The following P4HA3 variants were observed in gnomAD, a reference collection of about 807,000 sequenced individuals.
P4HA3 encodes prolyl 4-hydroxylase subunit alpha 3, also known as prolyl 4-hydroxylase subunit alpha-3.
Under a neutral mutation model 66.7 loss-of-function variants are expected in P4HA3, and 60 were observed. That is an observed-to-expected ratio of 0.90 (90% CI 0.73 to 1.12). P4HA3 has a LOEUF of 1.12. P4HA3 is among the 50% of genes most tolerant of loss of function. The probability of loss-of-function intolerance (pLI) is 0.00; values close to 1 mark genes in which losing one functional copy is unlikely to be tolerated. For missense variants in P4HA3, 683 were observed against 685.8 expected (o/e 1.00, Z 0.05); for synonymous variants, 263 against 274.6 (o/e 0.96, Z 0.42).
At chr11:74,275,267 C>A (rs898404473) in intron 9 of P4HA3, among the ~76,000 whole-genome samples, 21 of 152,080 alleles carry the variant, frequency 1.4e-4, no homozygotes, top group Non-Finnish European at 2.4e-4. Context: ...CCTGTGGTCA[C>A]AAAAATTTTC....
chr11:74,308,571 C>T (rs1226921149), intron 1 of P4HA3, among the ~76,000 whole-genome samples: 2 of 152,096 alleles, frequency 1.3e-5, no homozygotes, highest in African/African-American at 4.8e-5. Flanking sequence ...GGTTTTAGAG[C>T]AGTCACTAGA....
At chr11:74,263,426 C>T (rs992515867), downstream of P4HA3, among the ~76,000 whole-genome samples, 12 of 152,080 alleles carry the variant, frequency 7.9e-5, no homozygotes, top group Non-Finnish European at 1.5e-4. Context: ...AAGATTATTG[C>T]CAATGGAAGC....
intron 12 of P4HA3, 105 bp from the exon 13 acceptor site, chr11:74,267,423 A>C: frequency 7.2e-7 from 1 of 1,384,674 alleles, no homozygotes; most frequent in Non-Finnish European, 9.8e-7. Context: ...GCCCCCTTAA[A>C]TTCTGCATCC....
chr11:74,258,370 G>C (rs547669), intron 15 of P4HA3, among the ~76,000 whole-genome samples: 152,224 of 152,292 alleles, frequency 1, 76,079 homozygotes, highest in East Asian at 1. Flanking sequence ...TGATTAATGA[G>C]AATGATGCCA....
intron 4 of P4HA3, among the ~76,000 whole-genome samples, chr11:74,296,674 A>C (rs1268012926): frequency 6.6e-6 from 1 of 152,200 alleles, no homozygotes; most frequent in Non-Finnish European, 1.5e-5. Flanking sequence ...AGAGAAATCC[A>C]AGCCATCAGA....
chr11:74,253,705 A>G, intron 15 of P4HA3: 1 of 647,330 alleles, frequency 1.5e-6, no homozygotes. Flanking sequence ...CCCTTGACCA[A>G]CATCGGCTTC....
chr11:74,300,486 G>A (rs1861371764), intron 3 of P4HA3, among the ~76,000 whole-genome samples: 1 of 152,110 alleles, frequency 6.6e-6, no homozygotes, highest in South Asian at 2.1e-4. Flanking sequence ...GGATATGGTG[G>A]GGCACACCTG....
chr11:74,250,950 C>G (rs371935961), intron 15 of P4HA3: 39 of 1,595,806 alleles, frequency 2.4e-5, no homozygotes, highest in Non-Finnish European at 3.1e-5. Context: ...TGATTCCTCT[C>G]CAGGGAAGTT....
intron 10 of P4HA3, among the ~76,000 whole-genome samples, chr11:74,273,330 C>T (rs1380838139): frequency 3.3e-5 from 5 of 152,190 alleles, no homozygotes. Flanking sequence ...TTTAGATTTA[C>T]ACACTGTCAG....
At chr11:74,291,673 A>C (rs1227104745) in intron 4 of P4HA3, among the ~76,000 whole-genome samples, 1 of 152,224 alleles carries the variant, frequency 6.6e-6, no homozygotes, top group Non-Finnish European at 1.5e-5. Context: ...GAATTTTGTC[A>C]AAGGACTTTT....
chr11:74,277,952 A>T (rs1860457604), intron 8 of P4HA3, among the ~76,000 whole-genome samples: 1 of 152,248 alleles, frequency 6.6e-6, no homozygotes. Context: ...TTTCAAATAG[A>T]GTGCAAGCAG....
chr11:74,271,921 G>T (rs1860214996), intron 10 of P4HA3, among the ~76,000 whole-genome samples: 1 of 151,930 alleles, frequency 6.6e-6, no homozygotes, highest in South Asian at 2.1e-4. Context: ...TCCTTTAATT[G>T]CTCTGTGGGA....
At chr11:74,303,756 G>A (rs1390925942) in intron 2 of P4HA3, among the ~76,000 whole-genome samples, 1 of 151,786 alleles carries the variant, frequency 6.6e-6, no homozygotes, top group Non-Finnish European at 1.5e-5. Flanking sequence ...GGTAATTTTT[G>A]TATTTTTGAT....
intron 1 of P4HA3, among the ~76,000 whole-genome samples, chr11:74,305,765 C>G (rs1861562509): frequency 6.6e-6 from 1 of 152,076 alleles, no homozygotes; most frequent in South Asian, 2.1e-4. Context: ...TCTCATCATT[C>G]TATACCTAAA....
intron 1 of P4HA3, among the ~76,000 whole-genome samples, chr11:74,309,954 T>C (rs979764527): frequency 2.6e-5 from 4 of 152,108 alleles, no homozygotes; most frequent in African/African-American, 9.7e-5. Context: ...TGACAATGGG[T>C]TTGGGGGTCA....
intron 8 of P4HA3, 43 bp from the exon 9 acceptor site, chr11:74,277,187 G>A (rs558885465): frequency 7.6e-6 from 12 of 1,574,740 alleles, no homozygotes; most frequent in South Asian, 3.5e-5. Context: ...TCTGTTGCCC[G>A]AAATGACTAA....
At chr11:74,253,602 C>A in intron 15 of P4HA3, 1 of 1,419,796 alleles carries the variant, frequency 7.0e-7, no homozygotes, top group African/African-American at 1.4e-5. Flanking sequence ...CTCTCCATCC[C>A]GCCCAGCCAT....
At chr11:74,303,326 G>A (rs1052434318) in intron 2 of P4HA3, among the ~76,000 whole-genome samples, 4 of 125,534 alleles carry the variant, frequency 3.2e-5, no homozygotes, top group African/African-American at 1.2e-4. Flanking sequence ...ACAGGGTCTT[G>A]CTCAGTCGCC....
At chr11:74,306,857 G>C (rs1012095418) in intron 1 of P4HA3, among the ~76,000 whole-genome samples, 1 of 152,134 alleles carries the variant, frequency 6.6e-6, no homozygotes, top group Non-Finnish European at 1.5e-5. Flanking sequence ...CAAGTCCCAG[G>C]GTGTCTCTGA....
Sources: allele counts gnomAD v4.1 joint callset (sites outside exome capture counted in the v4.1 genomes callset), GRCh38; gene constraint gnomAD v4.1.1; transcripts MANE v1.5; gene names NCBI Gene and HGNC (gene_info 2026-07-23, HGNC 2026-07-21).